The following FRMD7 variants were observed in gnomAD, a reference collection of about 807,000 sequenced individuals.
The protein encoded by FRMD7 is FERM domain-containing protein 7.
In FRMD7, 14 loss-of-function variants were observed where a neutral mutation model predicts 44.1. The ratio of observed to expected loss-of-function variants is 0.32; its 90% confidence interval spans 0.21 to 0.50. FRMD7 has a LOEUF of 0.50. Ranked by LOEUF, FRMD7 falls within the 20% of genes least tolerant of loss-of-function variation. FRMD7 has a pLI of 0.99. For missense variants in FRMD7, 501 were observed against 522.3 expected, an observed-to-expected ratio of 0.96 and a Z score of 0.40; for synonymous variants, 212 against 187.4, an observed-to-expected ratio of 1.13 and a Z score of -1.07.
intron 1 of FRMD7, among the ~76,000 whole-genome samples, chrX:132,109,685 G>A (rs1928730888): frequency 9.0e-6 from 1 of 111,582 alleles, no homozygotes; most frequent in African/African-American, 3.3e-5. Context: ...GATGTATGCA[G>A]GGGGTAATGT....
chrX:132,085,604 G>A lies in FRMD7; in HGVS notation c.622C>T (p.His208Tyr). 2.5e-6 allele frequency: 3 copies of A among 1,211,223 alleles called. No individual in the cohort carries two copies. The highest frequency in any genetic ancestry group is 3.4e-6 in the Non-Finnish European group (3 of 895,050). ...EGMQIHLAVA[H>Y]MGVLVLRGNT... ...ACCCGTAACACCAGTACTCCCATGT[G>A]AGCAACAGCCAGGTGAATCTGCATC... The change falls in exon 7 of 12, where the codon CAC becomes TAC. Residue 208 changes from histidine to tyrosine, a missense_variant. His to Tyr is a moderately conservative substitution (Grantham distance 83). Coordinates refer to ENST00000298542, the MANE Select transcript of FRMD7 (RefSeq NM_194277.3).
chrX:132,087,535 A>AT (rs35202781), intron 5 of FRMD7, among the ~76,000 whole-genome samples: 2 of 111,253 alleles, frequency 1.8e-5, no homozygotes, highest in Non-Finnish European at 3.8e-5. Flanking sequence ...TCATTGATTA[A>AT]TTTTTTTTGC....
intron 3 of FRMD7, 101 bp from the exon 4 acceptor site, chrX:132,097,445 C>G: frequency 1.8e-6 from 1 of 570,439 alleles, no homozygotes; most frequent in Non-Finnish European, 3.1e-6. Flanking sequence ...ACACACCGCT[C>G]TCCTCTTCCG....
chrX:132,095,421 C>T (rs1928302065), intron 4 of FRMD7, among the ~76,000 whole-genome samples: 1 of 111,464 alleles, frequency 9.0e-6, no homozygotes, highest in Non-Finnish European at 1.9e-5. Flanking sequence ...TAAATTAAAA[C>T]ACTGAGTACT....
At chrX:132,081,364 CAA>C (rs71827852) in intron 9 of FRMD7, among the ~76,000 whole-genome samples, 1 of 108,643 alleles carries the variant, frequency 9.2e-6, no homozygotes, top group Non-Finnish European at 1.9e-5. Context: ...ACAACAACAA[CAA>C]AAAAAAACAC....
At chrX:132,125,139 C>T (rs1384661210) in intron 1 of FRMD7, among the ~76,000 whole-genome samples, 1 of 111,696 alleles carries the variant, frequency 9.0e-6, no homozygotes, top group Admixed American at 9.5e-5. Context: ...CAGTCTCTGA[C>T]TCCAGTTCTT....
At chrX:132,114,986 T>A (rs1928866913) in intron 1 of FRMD7, among the ~76,000 whole-genome samples, 1 of 112,729 alleles carries the variant, frequency 8.9e-6, no homozygotes, top group Non-Finnish European at 1.9e-5. Context: ...AGATTCCACT[T>A]AGGTCTGCTC....
intron 1 of FRMD7, among the ~76,000 whole-genome samples, chrX:132,113,900 A>G (rs899490132): frequency 9.2e-6 from 1 of 108,335 alleles, no homozygotes; most frequent in Non-Finnish European, 1.9e-5. Context: ...TTTTTTTTCT[A>G]CTGATTAAAC....
chrX:132,099,355 T>A, intron 3 of FRMD7, 113 bp downstream of exon 3: 2 of 606,964 alleles, frequency 3.3e-6, no homozygotes, highest in South Asian at 4.7e-5. Context: ...TGAAATAATA[T>A]CTCAAAGCCC....
intron 1 of FRMD7, among the ~76,000 whole-genome samples, chrX:132,115,106 G>A (rs1001084293): frequency 1.8e-5 from 2 of 112,311 alleles, no homozygotes; most frequent in African/African-American, 3.2e-5. Context: ...ACTTAACTCC[G>A]GGGCCTGCTT....
At position 132,077,751 on chromosome X, in the gene FRMD7, T is replaced by G; in HGVS notation, c.*121A>C. On this transcript the variant is annotated 3_prime_UTR_variant, in exon 12 of 12. Transcript: ENST00000298542. ...TCTTTCATAAGGCAGGCATCCAAAATGAGATTTCCTTAATACCAATGAATA... is the reference window on the plus strand; with the variant it reads ...TCTTTCATAAGGCAGGCATCCAAAAGGAGATTTCCTTAATACCAATGAATA... The G allele has an allele frequency of 2.8e-4, 281 of 1,018,118 alleles. No individual in the cohort carries two copies. Among genetic ancestry groups the G allele is most frequent in the Non-Finnish European group, 3.5e-4 (261 of 746,432 alleles). The allele number at this position is 1,018,118 out of a possible 1,213,427, so 83.9% of individuals were successfully genotyped here.
At chrX:132,120,798 C>CT (rs1287427275) in intron 1 of FRMD7, among the ~76,000 whole-genome samples, 1 of 112,327 alleles carries the variant, frequency 8.9e-6, no homozygotes, top group Non-Finnish European at 1.9e-5. Flanking sequence ...AGCACAAGCA[C>CT]TTTTTTTCAG....
intron 1 of FRMD7, among the ~76,000 whole-genome samples, chrX:132,125,166 A>G (rs1372273445): frequency 8.9e-6 from 1 of 111,757 alleles, no homozygotes; most frequent in African/African-American, 3.3e-5. Flanking sequence ...TAGTGACAAA[A>G]CAGGCTTCTT....
intron 11 of FRMD7, among the ~76,000 whole-genome samples, chrX:132,079,750 A>G (rs1927746494): frequency 1.8e-5 from 2 of 111,992 alleles, no homozygotes; most frequent in Non-Finnish European, 3.8e-5. Context: ...ATTTTGCAAG[A>G]TGTTAGCAAC....
Position 132,080,013 on chromosome X carries a change from G to T in FRMD7, c.1043C>A (p.Ser348Ter). 8.5e-7 allele frequency: 1 copy of T among 1,175,752 alleles called. No homozygotes were observed. The highest frequency in any genetic ancestry group is 1.2e-6 in the Non-Finnish European group (1 of 862,897). Reference sequence around the variant, plus strand: ...AATTTTCAGAAACCTTACTTGTTTTGACACATCAGAGAGGAGGTCTGGTGA... The same window carrying T: ...AATTTTCAGAAACCTTACTTGTTTTTACACATCAGAGAGGAGGTCTGGTGA... ...RSSPDLLSDV[S>*]KQVEDLRLAY... Residue 348 changes from serine (S) to a stop codon, truncating the protein, a stop_gained, in exon 11 of 12, where the codon TCA becomes TAA. Transcript: ENST00000298542. LOFTEE classifies it high-confidence loss of function.
intron 9 of FRMD7, among the ~76,000 whole-genome samples, chrX:132,081,263 C>T (rs181548230): frequency 1.4e-4 from 16 of 110,797 alleles, no homozygotes; most frequent in Admixed American, 8.6e-4. Context: ...ACATGGGAGG[C>T]GGAGATTGCA....
At chrX:132,105,972 A>G (rs752357118) in intron 1 of FRMD7, among the ~76,000 whole-genome samples, 68 of 112,205 alleles carry the variant, frequency 6.1e-4, no homozygotes, top group Non-Finnish European at 1.0e-3. Context: ...TGACAAAGAC[A>G]CCAAAAACAA....
At chrX:132,079,102 G>A in intron 11 of FRMD7, 136 bp from the exon 12 acceptor site, 1 of 554,990 alleles carries the variant, frequency 1.8e-6, no homozygotes, top group South Asian at 2.5e-5. Flanking sequence ...TTCTATTCTA[G>A]GGTAGATAAA....
chrX:132,104,304 A>AT (rs35091892), intron 1 of FRMD7, among the ~76,000 whole-genome samples: 7,945 of 109,386 alleles, frequency 0.073, 260 homozygotes, highest in African/African-American at 0.12. Context: ...ACGTGTCTGA[A>AT]TTTTTTTTTT....
Sources: gnomAD v4.1 joint callset for allele counts (sites outside exome capture counted in the v4.1 genomes callset) on GRCh38, gnomAD v4.1.1 for gene constraint, MANE v1.5 for transcripts, NCBI Gene and HGNC (gene_info 2026-07-23, HGNC 2026-07-21) for gene names.